Variants in SLC44A1 observed in about 807,000 individuals in gnomAD.
The protein encoded by SLC44A1 is solute carrier family 44 member 1.
In SLC44A1, 26 loss-of-function variants were observed where a neutral mutation model predicts 79.3. That is an observed-to-expected ratio of 0.33 (90% CI 0.24 to 0.46). The LOEUF (loss-of-function observed/expected upper bound fraction) is 0.46, where lower values mean the gene tolerates loss of function less well. Among genes scored for constraint, SLC44A1 ranks in the 20% least tolerant of loss-of-function variants. The pLI is 1.00. For missense variants in SLC44A1, 688 were observed against 798.1 expected, an observed-to-expected ratio of 0.86 and a Z score of 1.66; for synonymous variants, 263 against 286.2, an observed-to-expected ratio of 0.92 and a Z score of 0.82.
rs1195706676 is a variant in SLC44A1 at position 105,364,737 on chromosome 9, A to G, written c.1253+17A>G. The G allele has an allele frequency of 1.2e-6, 2 of 1,601,742 alleles. No homozygotes were observed. Among genetic ancestry groups the G allele is most frequent in the South Asian group, 2.2e-5 (2 of 89,044 alleles). On this transcript the variant is annotated intron_variant, in intron 10 of 15. Coordinates refer to ENST00000374720, the MANE Select transcript of SLC44A1 (RefSeq NM_080546.5). ...TTTTACTAGGTAAGAATATGTTGTT[A>G]TTAGAAAACTCGAGTTCATCTAAGG...
chr9:105,418,250 G>A (rs1829198408), intron 15 of SLC44A1, among the ~76,000 whole-genome samples: 1 of 148,102 alleles, frequency 6.8e-6, no homozygotes, highest in South Asian at 2.1e-4. Context: ...GGAAGCGGAG[G>A]TTGCAGCGAG....
intron 1 of SLC44A1, among the ~76,000 whole-genome samples, chr9:105,281,350 C>T (rs1830345730): frequency 6.6e-6 from 1 of 152,144 alleles, no homozygotes; most frequent in East Asian, 1.9e-4. Context: ...TTACTCTCTT[C>T]CTTGATAAGG....
chr9:105,428,202 C>A (rs1014996072), intron 15 of SLC44A1, among the ~76,000 whole-genome samples: 14 of 152,048 alleles, frequency 9.2e-5, no homozygotes, highest in Non-Finnish European at 1.9e-4. Context: ...CTTACGCCCC[C>A]AAATCAGTTA....
intron 4 of SLC44A1, among the ~76,000 whole-genome samples, chr9:105,340,271 G>A (rs138255620): frequency 6.6e-6 from 1 of 152,188 alleles, no homozygotes; most frequent in Admixed American, 6.5e-5. Flanking sequence ...GACATTATGC[G>A]AAGTGAAGTA....
At chr9:105,323,987 A>G (rs1195721507) in intron 3 of SLC44A1, among the ~76,000 whole-genome samples, 1 of 151,636 alleles carries the variant, frequency 6.6e-6, no homozygotes, top group Non-Finnish European at 1.5e-5. Flanking sequence ...ACTTTCTCCC[A>G]AGTGCTTTTT....
intron 4 of SLC44A1, among the ~76,000 whole-genome samples, chr9:105,338,122 A>G (rs1215888791): frequency 6.6e-6 from 1 of 152,246 alleles, no homozygotes; most frequent in African/African-American, 2.4e-5. Flanking sequence ...CAGAAGCACA[A>G]CAATGGAGGA....
At position 105,381,139 on chromosome 9, in the gene SLC44A1, A is replaced by C. The variant is rs117265373; in HGVS notation, c.1633-1984A>C. Reference sequence around the variant, plus strand: ...TCAAAGGGGTTTAACTTTTAATGGCATGGTGAGAGCATGAAGAACCTCAGC... The same window carrying C: ...TCAAAGGGGTTTAACTTTTAATGGCCTGGTGAGAGCATGAAGAACCTCAGC... On this transcript the variant is annotated intron_variant, in intron 13 of 15. Coordinates refer to ENST00000374720, the MANE Select transcript of SLC44A1 (RefSeq NM_080546.5). Among the ~76,000 whole-genome samples, 130 of 152,280 alleles carry C rather than the reference A, an allele frequency of 8.5e-4. 1 individual carries two copies. The highest frequency in any genetic ancestry group is 3.3e-3 in the Admixed American group (50 of 15,294).
In SLC44A1 at chr9:105,396,823, G is replaced by A. The variant is rs745658127; in HGVS notation, c.*7767G>A. The stretch of plus-strand genomic sequence containing the variant: ...TTATAAACTGGAGGATCACAGTTAA[G>A]CCTTCCATGAATTCATAGTTTGGAA... On this transcript the variant is annotated 3_prime_UTR_variant, in exon 16 of 16. Coordinates refer to ENST00000374720, the MANE Select transcript of SLC44A1 (RefSeq NM_080546.5). 169 of 984,276 alleles carry A rather than the reference G, an allele frequency of 1.7e-4. No homozygotes were observed. Among genetic ancestry groups the A allele is most frequent in the Non-Finnish European group, 2.0e-4 (167 of 829,400 alleles). 61.0% of individuals were successfully genotyped at this position (984,276 alleles called of 1,614,324 possible). A position where few individuals can be genotyped will look rare whatever the true frequency, so the allele number is the denominator to read the frequency against.
In SLC44A1 at chr9:105,391,984, T is replaced by C; in HGVS notation, c.*2928T>C. ...ATAATTAAGGCTCTGGTGCATAATT[T>C]AGACTTTCTAAGCTCCTGCCTGAAG... On this transcript the variant is annotated 3_prime_UTR_variant, in exon 16 of 16. Transcript: ENST00000374720. 1 of 985,410 alleles carries C rather than the reference T, an allele frequency of 1.0e-6. No homozygotes were observed. The highest frequency in any genetic ancestry group is 1.2e-6 in the Non-Finnish European group (1 of 829,926). 61.0% of individuals were successfully genotyped at this position (985,410 alleles called of 1,614,324 possible).
At chr9:105,321,347 G>A (rs1826388073) in intron 3 of SLC44A1, among the ~76,000 whole-genome samples, 2 of 152,066 alleles carry the variant, frequency 1.3e-5, no homozygotes, top group South Asian at 4.2e-4. Flanking sequence ...GAATTACTTT[G>A]CCACCTTTGT....
chr9:105,323,649 TA>T (rs1418158916), intron 3 of SLC44A1, among the ~76,000 whole-genome samples: 1 of 152,230 alleles, frequency 6.6e-6, no homozygotes, highest in Non-Finnish European at 1.5e-5. Context: ...CGTCCCTTTT[TA>T]ACCTAGATGG....
intron 4 of SLC44A1, among the ~76,000 whole-genome samples, chr9:105,345,693 A>T (rs1425839653): frequency 6.6e-6 from 1 of 152,176 alleles, no homozygotes; most frequent in Non-Finnish European, 1.5e-5. Context: ...ATTGACTATT[A>T]TACAGCATTT....
chr9:105,385,704 G>C (rs957269005), intron 15 of SLC44A1: 2 of 985,316 alleles, frequency 2.0e-6, no homozygotes, highest in Admixed American at 1.2e-4. Flanking sequence ...TTCTATAAAA[G>C]TAAGCTGAAA....
chr9:105,305,670 C>T (rs1265332859), intron 2 of SLC44A1, among the ~76,000 whole-genome samples: 1 of 152,054 alleles, frequency 6.6e-6, no homozygotes, highest in Non-Finnish European at 1.5e-5. Flanking sequence ...TTTTTCCCTA[C>T]CTTTTTATTT....
At chr9:105,326,321 C>G (rs1046874762) in intron 3 of SLC44A1, among the ~76,000 whole-genome samples, 3 of 152,170 alleles carry the variant, frequency 2.0e-5, no homozygotes, top group African/African-American at 7.2e-5. Context: ...TCCTCCTGCC[C>G]TTGTCTCCCA....
chr9:105,327,092 A>G (rs1039851977), intron 3 of SLC44A1, among the ~76,000 whole-genome samples: 2 of 152,064 alleles, frequency 1.3e-5, no homozygotes, highest in East Asian at 3.9e-4. Flanking sequence ...AGTTTTCTTC[A>G]TTGTGTCTAA....
intron 13 of SLC44A1, among the ~76,000 whole-genome samples, chr9:105,379,191 G>A (rs190700692): frequency 3.9e-5 from 6 of 152,132 alleles, no homozygotes; most frequent in African/African-American, 1.2e-4. Context: ...TGGGAGAATC[G>A]CTTCAGCCCA....
At chr9:105,326,508 A>G (rs1826581409) in intron 3 of SLC44A1, among the ~76,000 whole-genome samples, 2 of 152,178 alleles carry the variant, frequency 1.3e-5, no homozygotes, top group Non-Finnish European at 2.9e-5. Flanking sequence ...CATTGTAGCT[A>G]AAGAGGGGAG....
At chr9:105,323,628 A>T (rs1335572949) in intron 3 of SLC44A1, among the ~76,000 whole-genome samples, 12 of 152,216 alleles carry the variant, frequency 7.9e-5, no homozygotes, top group Non-Finnish European at 1.5e-4. Flanking sequence ...AAAGTTACTT[A>T]ATCAAGGCTT....
Sources: allele counts gnomAD v4.1 joint callset (sites outside exome capture counted in the v4.1 genomes callset), GRCh38; gene constraint gnomAD v4.1.1; transcripts MANE v1.5; gene names NCBI Gene and HGNC (gene_info 2026-07-23, HGNC 2026-07-21).